Variants in PLEKHA6 observed in about 807,000 individuals in gnomAD.
The protein encoded by PLEKHA6 is pleckstrin homology domain-containing family A member 6.
In PLEKHA6, 60 loss-of-function variants were observed where a neutral mutation model predicts 116.7. The ratio of observed to expected loss-of-function variants is 0.51; its 90% confidence interval spans 0.42 to 0.64. The LOEUF (loss-of-function observed/expected upper bound fraction) is 0.64, where lower values mean the gene tolerates loss of function less well. Ranked by LOEUF, PLEKHA6 falls within the 30% of genes least tolerant of loss-of-function variation. The pLI, the probability that PLEKHA6 is intolerant of heterozygous loss-of-function variation, is 0.00. For synonymous variants in PLEKHA6, 489 were observed against 556.1 expected (o/e 0.88, Z 1.70); for missense variants, 1,338 against 1,422.7 (o/e 0.94, Z 0.96).
At chr1:204,276,184 G>A (rs1667984762) in intron 1 of PLEKHA6, among the ~76,000 whole-genome samples, 1 of 152,154 alleles carries the variant, frequency 6.6e-6, no homozygotes, top group Admixed American at 6.5e-5. Context: ...AGACATGCAG[G>A]AGATAAAAGC....
At chr1:204,368,443 C>T (rs575906627) in intron 2 of PLEKHA6, 2 of 151,882 alleles carry the variant, frequency 1.3e-5, no homozygotes. Flanking sequence ...TTTTTAAAAT[C>T]TTTAATAGTG....
chr1:204,285,558 C>T (rs1260157239), intron 1 of PLEKHA6, among the ~76,000 whole-genome samples: 2 of 151,910 alleles, frequency 1.3e-5, no homozygotes, highest in African/African-American at 4.8e-5. Context: ...TCACCGCAGG[C>T]TCCGCTCCCT....
At chr1:204,313,975 C>G (rs1572167303) in intron 1 of PLEKHA6, among the ~76,000 whole-genome samples, 1 of 152,292 alleles carries the variant, frequency 6.6e-6, no homozygotes, top group South Asian at 2.1e-4. Flanking sequence ...TGCACAACCC[C>G]AGGGGGTACT....
chr1:204,312,891 T>C (rs202095758), intron 1 of PLEKHA6, among the ~76,000 whole-genome samples: 1 of 96,498 alleles, frequency 1.0e-5, no homozygotes, highest in South Asian at 3.5e-4. Flanking sequence ...CTTTTCTTTT[T>C]TTTCTTTTCC....
Position 204,359,791 on chromosome 1 carries a change from CCG to C in PLEKHA6, c.-194_-193del. 1 of 732,810 alleles carries C rather than the reference CCG, an allele frequency of 1.4e-6. No homozygotes were observed. Among genetic ancestry groups the C allele is most frequent in the Non-Finnish European group, 1.7e-6 (1 of 598,450 alleles). The allele number at this position is 732,810 out of a possible 1,614,324, so 45.4% of individuals were successfully genotyped here. On this transcript the variant is annotated 5_prime_UTR_variant, in exon 1 of 23. Coordinates refer to ENST00000272203, the MANE Select transcript of PLEKHA6 (RefSeq NM_014935.5). ...TCAGGCCAGCTGGGGTCCTCCTCCC[CCG>C]CCCCTGGGGCCCCCTTCTGCAGAGC...
At position 204,259,142 on chromosome 1, in the gene PLEKHA6, A is replaced by T. The variant is rs1571929446; in HGVS notation, c.1007+116T>A. The T allele has an allele frequency of 1.4e-5, 17 of 1,253,816 alleles. No individual in the cohort carries two copies. In the East Asian group the frequency reaches 4.3e-4, roughly 31 times the overall value. The allele number at this position is 1,253,816 out of a possible 1,614,324, so 77.7% of individuals were successfully genotyped here. On this transcript the variant is annotated intron_variant, in intron 8 of 22. Transcript: ENST00000272203. This position sits in a 1 kb window ranked among gnomAD's most constrained non-coding sequence, Gnocchi z 4.6. ...AGCATGGGATTTGCTTGGTTTCCCA[A>T]CTCAGCCTGCTTCCAGAAGGTTTCC...
At chr1:204,362,061 G>T (rs988463979), upstream of PLEKHA6, among the ~76,000 whole-genome samples, 7 of 152,202 alleles carry the variant, frequency 4.6e-5, no homozygotes, top group Non-Finnish European at 8.8e-5. Flanking sequence ...GTTTCTGGGG[G>T]ATCTGAGTAG....
At chr1:204,339,212 G>T (rs1381973857) in intron 1 of PLEKHA6, among the ~76,000 whole-genome samples, 1 of 152,234 alleles carries the variant, frequency 6.6e-6, no homozygotes, top group African/African-American at 2.4e-5. Context: ...TGCCAGACAT[G>T]TGAGGAGCCT....
chr1:204,326,374 C>G (rs1225128999), intron 1 of PLEKHA6, among the ~76,000 whole-genome samples: 1 of 152,178 alleles, frequency 6.6e-6, no homozygotes, highest in Admixed American at 6.5e-5. Context: ...ATGTGCAAAG[C>G]ACTGGCAAAG....
At chr1:204,348,862 T>G (rs954610262) in intron 1 of PLEKHA6, among the ~76,000 whole-genome samples, 5 of 152,172 alleles carry the variant, frequency 3.3e-5, no homozygotes, top group Admixed American at 3.3e-4. Context: ...TTTAAGGCTT[T>G]CCTGTCAAAA....
chr1:204,291,845 T>C lies in PLEKHA6; in HGVS notation c.-94-17036A>G, dbSNP rs182817292. The stretch of plus-strand genomic sequence containing the variant: ...GATGGATATATGTTAATTATCTCAA[T>C]TGTGTTTATGGTTTCACAAAATGCA... On this transcript the variant is annotated intron_variant, in intron 1 of 22. Transcript: ENST00000272203. 2.6e-5 allele frequency among the ~76,000 whole-genome samples: 4 copies of C among 152,354 alleles called. No individual in the cohort carries two copies. In the East Asian group the frequency reaches 7.7e-4, roughly 29 times the overall value.
chr1:204,225,030 C>G (rs112374760), intron 21 of PLEKHA6, among the ~76,000 whole-genome samples: 2,684 of 152,204 alleles, frequency 0.018, 71 homozygotes, highest in African/African-American at 0.062. Context: ...GGTGTTGACT[C>G]GCTGGGTTTC....
intron 9 of PLEKHA6, chr1:204,251,612 C>T (rs1356290986): frequency 1.4e-6 from 1 of 702,802 alleles, no homozygotes; most frequent in Admixed American, 2.0e-5. Flanking sequence ...TCTCACTCAT[C>T]TGCAGCAGAG....
At chr1:204,323,335 A>T (rs1309731822) in intron 1 of PLEKHA6, among the ~76,000 whole-genome samples, 5 of 152,188 alleles carry the variant, frequency 3.3e-5, no homozygotes, top group Admixed American at 3.3e-4. Context: ...TCTCCGCAGC[A>T]CCCCTCAAGG....
chr1:204,356,548 C>T (rs186693655), intron 1 of PLEKHA6, among the ~76,000 whole-genome samples: 105 of 151,442 alleles, frequency 6.9e-4, no homozygotes, highest in African/African-American at 2.5e-3. Context: ...GCCTGGACAA[C>T]AGAACAAGGC....
intron 17 of PLEKHA6, among the ~76,000 whole-genome samples, chr1:204,237,365 G>A (rs1038785215): frequency 1.3e-5 from 2 of 152,200 alleles, no homozygotes; most frequent in Non-Finnish European, 1.5e-5. Flanking sequence ...TAGAAAAATA[G>A]TAAATCAAAA....
At chr1:204,229,523 A>T (rs1660866651) in intron 18 of PLEKHA6, among the ~76,000 whole-genome samples, 1 of 152,162 alleles carries the variant, frequency 6.6e-6, no homozygotes, top group African/African-American at 2.4e-5. Flanking sequence ...GAGTCCTCCC[A>T]TCCCAGCCTC....
intron 17 of PLEKHA6, among the ~76,000 whole-genome samples, chr1:204,235,610 C>T (rs4440923): frequency 0.52 from 77,995 of 151,404 alleles, 20,662 homozygotes; most frequent in African/African-American, 0.66. Flanking sequence ...CCTTGCCAGG[C>T]GTCTATTGTT....
chr1:204,313,961 C>G (rs1392379508), intron 1 of PLEKHA6, among the ~76,000 whole-genome samples: 1 of 152,186 alleles, frequency 6.6e-6, no homozygotes, highest in Non-Finnish European at 1.5e-5. Flanking sequence ...GACTTCCTGG[C>G]CTCTGCACAA....
Sources: gnomAD v4.1 joint callset for allele counts (sites outside exome capture counted in the v4.1 genomes callset) on GRCh38, gnomAD v4.1.1 for gene constraint, Gnocchi (gnomAD v3.1) non-coding constraint, MANE v1.5 for transcripts, NCBI Gene and HGNC (gene_info 2026-07-23, HGNC 2026-07-21) for gene names.